PCDHA11: variants seen among roughly 807,000 people sequenced by gnomAD.
The protein encoded by PCDHA11 is protocadherin alpha 11, also known as protocadherin alpha-11.
Under a neutral mutation model 70.3 loss-of-function variants are expected in PCDHA11, and 61 were observed. That is an observed-to-expected ratio of 0.87 (90% CI 0.71 to 1.07). PCDHA11 has a LOEUF of 1.07. Among genes scored for constraint, PCDHA11 ranks in the 50% least tolerant of loss-of-function variants. The pLI is 0.00. For synonymous variants in PCDHA11, 633 were observed against 555.1 expected, an observed-to-expected ratio of 1.14 and a Z score of -1.97; for missense variants, 1,324 against 1,237.5, an observed-to-expected ratio of 1.07 and a Z score of -1.05.
In PCDHA11 at chr5:141,010,369, G is replaced by A. The variant is rs963959073; in HGVS notation, c.*432G>A. The A allele has an allele frequency of 1.8e-4, 270 of 1,474,338 alleles. No homozygotes were observed. The highest frequency in any genetic ancestry group is 7.1e-5 in the Non-Finnish European group (79 of 1,109,414). 91.3% of individuals were successfully genotyped at this position (1,474,338 alleles called of 1,614,324 possible). On this transcript the variant is annotated 3_prime_UTR_variant, in exon 4 of 4. Transcript: ENST00000398640. ...GTATGTGTGGCTACCGCGGGTATGCGAGTGCCAGATATTGGCTGAGACGAG... is the reference window on the plus strand; with the variant it reads ...GTATGTGTGGCTACCGCGGGTATGCAAGTGCCAGATATTGGCTGAGACGAG...
At chr5:140,955,385 G>A (rs1416235573) in intron 1 of PCDHA11, among the ~76,000 whole-genome samples, 4 of 152,216 alleles carry the variant, frequency 2.6e-5, no homozygotes, top group South Asian at 4.1e-4. Flanking sequence ...GAATCATGGG[G>A]GCAATTATCC....
chr5:141,011,102 CT>C lies in PCDHA11; in HGVS notation c.*1166del, dbSNP rs2098419453. The C allele has an allele frequency of 1.3e-5, 2 of 153,744 alleles. No homozygotes were observed. The highest frequency in any genetic ancestry group is 6.5e-5 in the Admixed American group (1 of 15,280). The allele number at this position is 153,744 out of a possible 1,614,324, so 9.5% of individuals were successfully genotyped here. On this transcript the variant is annotated 3_prime_UTR_variant, in exon 4 of 4. Transcript: ENST00000398640. ...ATGATCTCTCTTTCTCTCTCTCTCT[CT>C]CTTTTCTAAGAAACAATTATGTGCA...
At chr5:140,927,186 C>T in intron 1 of PCDHA11, 1 of 1,614,174 alleles carries the variant, frequency 6.2e-7, no homozygotes, top group East Asian at 2.2e-5. Context: ...TGACCTACGA[C>T]CTGGTGCTCG....
Position 140,870,844 on chromosome 5 carries a change from C to T in PCDHA11, c.1741C>T (p.Pro581Ser). The T allele has an allele frequency of 3.1e-6, 5 of 1,613,832 alleles. No homozygotes were observed. The highest frequency in any genetic ancestry group is 4.2e-6 in the Non-Finnish European group (5 of 1,179,882). ...GGGAGGCGCAGTTAACAAGCTAGTA[C>T]CGCGGTCGGTGGGTGCGGGCCACGT... ...SAGGAVNKLV[P>S]RSVGAGHVVA... is the part of the protein sequence containing the mutation. Residue 581 changes from proline (P) to serine (S), a missense_variant, in exon 1 of 4, where the codon CCG becomes TCG. By Grantham distance (74) the Pro-to-Ser change is moderately conservative (BLOSUM62 -1). Transcript: ENST00000398640.
intron 1 of PCDHA11, chr5:140,882,640 G>C (rs1330929245): frequency 1.2e-6 from 2 of 1,614,068 alleles, no homozygotes; most frequent in Admixed American, 3.3e-5. Context: ...TGAAGGTGAG[G>C]GACATTAACG....
Position 140,963,600 on chromosome 5 carries a change from G to A in PCDHA11, c.2392-15349G>A, listed in dbSNP as rs111244023. Among the ~76,000 whole-genome samples, 12 of 152,298 alleles carry A rather than the reference G, an allele frequency of 7.9e-5. No homozygotes were observed. In the South Asian group the frequency reaches 1.7e-3, roughly 21 times the overall value. ...CAAAATGTAGGATATAGTTCTAGAC[G>A]TAATTGGGAAAGCTTAACTTTGTTG... On this transcript the variant is annotated intron_variant, in intron 1 of 3. Transcript: ENST00000398640.
At chr5:140,966,811 G>T (rs377370256) in intron 1 of PCDHA11, 6 of 1,549,722 alleles carry the variant, frequency 3.9e-6, no homozygotes, top group African/African-American at 1.4e-5. Context: ...AGCATCCACG[G>T]CTCCGGCGGC....
At chr5:140,927,511 G>A (rs1563093224) in intron 1 of PCDHA11, 1 of 1,614,120 alleles carries the variant, frequency 6.2e-7, no homozygotes, top group Non-Finnish European at 8.5e-7. Context: ...TACAGCTCGG[G>A]ACGGCGGGCT....
chr5:140,967,361 C>G (rs1323729968), intron 1 of PCDHA11: 9 of 1,607,256 alleles, frequency 5.6e-6, no homozygotes, highest in African/African-American at 1.3e-5. Context: ...GGACCTTAAG[C>G]CCCTGCAGGA....
chr5:140,925,402 T>C (rs1379767028), intron 1 of PCDHA11, among the ~76,000 whole-genome samples: 1 of 152,110 alleles, frequency 6.6e-6, no homozygotes, highest in Non-Finnish European at 1.5e-5. Context: ...CTCGCCTCCT[T>C]CTTAGGGAAA....
At chr5:140,929,293 A>G in intron 1 of PCDHA11, 1 of 1,594,458 alleles carries the variant, frequency 6.3e-7, no homozygotes, top group Non-Finnish European at 8.6e-7. Flanking sequence ...GATTCGGAAT[A>G]GGAAAGGGGA....
At chr5:140,950,821 G>T (rs1361371532) in intron 1 of PCDHA11, among the ~76,000 whole-genome samples, 8 of 152,020 alleles carry the variant, frequency 5.3e-5, no homozygotes, top group Non-Finnish European at 4.4e-5. Context: ...TAGGGTTAAA[G>T]TTTGGTCCTT....
intron 3 of PCDHA11, among the ~76,000 whole-genome samples, chr5:140,999,830 T>C (rs146250053): frequency 2.0e-5 from 3 of 152,238 alleles, no homozygotes; most frequent in Non-Finnish European, 4.4e-5. Context: ...GCTTTAAAAA[T>C]ATGCCAAGTG....
intron 1 of PCDHA11, chr5:140,881,433 T>A (rs1554172102): frequency 1.1e-6 from 1 of 872,990 alleles, no homozygotes; most frequent in African/African-American, 1.8e-5. Context: ...AGGCATATTT[T>A]ATAAAAACAG....
intron 1 of PCDHA11, among the ~76,000 whole-genome samples, chr5:140,945,121 C>T (rs1412218992): frequency 6.6e-6 from 1 of 152,042 alleles, no homozygotes; most frequent in East Asian, 1.9e-4. Context: ...GATAAAAAAT[C>T]AACTTACAAA....
intron 1 of PCDHA11, among the ~76,000 whole-genome samples, chr5:140,977,549 A>G (rs2096765562): frequency 6.6e-6 from 1 of 152,210 alleles, no homozygotes; most frequent in African/African-American, 2.4e-5. Flanking sequence ...TTGCATATGC[A>G]TATCTTGCTA....
intron 1 of PCDHA11, among the ~76,000 whole-genome samples, chr5:140,959,555 T>A (rs538493851): frequency 1.3e-5 from 2 of 152,118 alleles, no homozygotes; most frequent in African/African-American, 4.8e-5. Flanking sequence ...ATAAATAGAA[T>A]CAGTACTAGA....
At chr5:140,876,418 T>C in intron 1 of PCDHA11, 1 of 1,613,982 alleles carries the variant, frequency 6.2e-7, no homozygotes, top group Non-Finnish European at 8.5e-7. Flanking sequence ...GAATAATGCC[T>C]ATGAAATTCA....
At chr5:140,960,511 C>T (rs2153725482) in intron 1 of PCDHA11, among the ~76,000 whole-genome samples, 1 of 152,156 alleles carries the variant, frequency 6.6e-6, no homozygotes, top group East Asian at 1.9e-4. Context: ...AAGCAGCAAA[C>T]ATAATGGGTA....
Sources: gnomAD v4.1 joint callset for allele counts (sites outside exome capture counted in the v4.1 genomes callset) on GRCh38, gnomAD v4.1.1 for gene constraint, MANE v1.5 for transcripts, NCBI Gene and HGNC (gene_info 2026-07-23, HGNC 2026-07-21) for gene names.